The following ZNF823 variants were observed in gnomAD, a reference collection of about 807,000 sequenced individuals.
The protein encoded by ZNF823 is ZFP 36 for a zinc finger protein.
A neutral mutation model predicts 11.4 loss-of-function variants in ZNF823; 5 were observed. The observed-to-expected ratio is 0.44, with a 90% CI of 0.23 to 0.92. The LOEUF (loss-of-function observed/expected upper bound fraction) is 0.92, where lower values mean the gene tolerates loss of function less well. Among genes scored for constraint, ZNF823 ranks in the 40% least tolerant of loss-of-function variants. The probability of loss-of-function intolerance (pLI) is 0.24; values close to 1 mark genes in which losing one functional copy is unlikely to be tolerated. For missense variants in ZNF823, 582 were observed against 738.5 expected, an observed-to-expected ratio of 0.79 and a Z score of 2.46; for synonymous variants, 234 against 250.5, an observed-to-expected ratio of 0.93 and a Z score of 0.62.
At chr19:11,727,745 G>A (rs1905858205) in intron 1 of ZNF823, among the ~76,000 whole-genome samples, 1 of 152,118 alleles carries the variant, frequency 6.6e-6, no homozygotes, top group African/African-American at 2.4e-5. Context: ...TCACATCAGA[G>A]CCCGTCTTGA....
Position 11,738,945 on chromosome 19 carries a change from G to C in ZNF823, c.-126C>G, listed in dbSNP as rs965552672. On this transcript the variant is annotated 5_prime_UTR_variant, in exon 1 of 4. Transcript: ENST00000341191. ...GCCAGAGCCAGGACTCAGAGCGCAG[G>C]GGCGTGGAGAAGACTCCGCGGGCTC... is the stretch of plus-strand genomic sequence containing the variant. The C allele has an allele frequency of 1.4e-5, 18 of 1,271,140 alleles. No homozygotes were observed. Among genetic ancestry groups the C allele is most frequent in the Admixed American group, 8.8e-5 (3 of 34,226 alleles). The allele number at this position is 1,271,140 out of a possible 1,614,324, so 78.7% of individuals were successfully genotyped here. A position where few individuals can be genotyped will look rare whatever the true frequency, so the allele number is the denominator to read the frequency against.
rs1974731374 is a variant in ZNF823, at chr19:11,723,360, T to C, written c.192-18A>G. The C allele has an allele frequency of 6.5e-7, 1 of 1,548,868 alleles. No homozygotes were observed. The highest frequency in any genetic ancestry group is 1.4e-5 in the African/African-American group (1 of 72,444). On this transcript the variant is annotated intron_variant, in intron 3 of 3. Transcript: ENST00000341191. The stretch of plus-strand genomic sequence containing the variant: ...TATGACTTCTGTAACAAATAAGAAA[T>C]ATATTACTAAAGGTTTGTTTATAAG...
At position 11,738,875 on chromosome 19, in the gene ZNF823, G is replaced by T. The variant is rs1975045634; in HGVS notation, c.-56C>A. ...CTTAAAAGCCAGTGTGGGTCCCAGC[G>T]CGACAGACGCTGATACAGACCTTCC... On this transcript the variant is annotated 5_prime_UTR_variant, in exon 1 of 4. Transcript: ENST00000341191. The T allele has an allele frequency of 7.6e-6, 12 of 1,589,306 alleles. No homozygotes were observed. The South Asian group carries it at 1.3e-4, about 17-fold the overall frequency.
chr19:11,729,255 A>G (rs569192115), intron 1 of ZNF823, among the ~76,000 whole-genome samples: 7 of 152,288 alleles, frequency 4.6e-5, no homozygotes, highest in African/African-American at 1.2e-4. Context: ...ATGCAAATAC[A>G]TTAAATATAA....
chr19:11,737,143 C>T (rs1975005144), intron 1 of ZNF823, among the ~76,000 whole-genome samples: 1 of 152,172 alleles, frequency 6.6e-6, no homozygotes. Context: ...GACCAGGACA[C>T]CATAGAGGGT....
chr19:11,733,298 C>T (rs776553664), intron 1 of ZNF823, among the ~76,000 whole-genome samples: 3 of 143,286 alleles, frequency 2.1e-5, no homozygotes, highest in African/African-American at 5.1e-5. Flanking sequence ...ACTCAGGAGT[C>T]GGAGGTTGCA....
chr19:11,723,120 A>G lies in ZNF823; in HGVS notation c.414T>C (p.His138=), dbSNP rs181958401. 6.2e-7 allele frequency: 1 copy of G among 1,614,098 alleles called. No homozygotes were observed. Residue 138 remains histidine (H), a synonymous_variant, in exon 4 of 4, where the codon CAT becomes CAC. Coordinates refer to ENST00000341191, the MANE Select transcript of ZNF823 (RefSeq NM_001080493.4). ...GACTGATGGCTTTCCCACGTTGTTT[A>G]TGTGTATATGGCTTCTCTCCATATT... ...HQEYGEKPYT[H]KQRGKAISHQ...
At chr19:11,726,877 C>T (rs9917003) in intron 1 of ZNF823, among the ~76,000 whole-genome samples, 12,880 of 152,192 alleles carry the variant, frequency 0.085, 1,186 homozygotes, top group African/African-American at 0.23. Flanking sequence ...TGTTTGGTTG[C>T]AACTTGTTAC....
intron 1 of ZNF823, among the ~76,000 whole-genome samples, chr19:11,729,965 G>T (rs1974863466): frequency 6.9e-6 from 1 of 144,604 alleles, no homozygotes; most frequent in Admixed American, 7.1e-5. Context: ...TTTCGCACTT[G>T]TTGCCCAGGC....
chr19:11,733,365 C>CAAAA (rs34650100), intron 1 of ZNF823, among the ~76,000 whole-genome samples: 2 of 95,410 alleles, frequency 2.1e-5, no homozygotes, highest in African/African-American at 3.7e-5. Flanking sequence ...GACTCCATCT[C>CAAAA]AAAAAAAAAA....
At chr19:11,728,331 G>A (rs62113590) in intron 1 of ZNF823, among the ~76,000 whole-genome samples, 45,028 of 152,084 alleles carry the variant, frequency 0.3, 7,501 homozygotes, top group South Asian at 0.39. Flanking sequence ...TAAGTCTTGG[G>A]AAGAAAAGCT....
chr19:11,722,547 G>A lies in ZNF823; in HGVS notation c.987C>T (p.Asp329=), dbSNP rs144091748. The change falls in exon 4 of 4, where the codon GAC becomes GAT. Residue 329 remains aspartate, a synonymous_variant. Coordinates refer to ENST00000341191, the MANE Select transcript of ZNF823 (RefSeq NM_001080493.4). The surrounding 1 kb of genome is among the most constrained non-coding windows in gnomAD (Gnocchi z 5.2). ...FRRHMIRHTG[D]GPHKCKICGK... is the part of the protein sequence containing the mutation. Reference sequence around the variant, plus strand: ...CACATATCTTACATTTATGTGGTCCGTCTCCAGTGTGCCTTATCATGTGTC... The same window carrying A: ...CACATATCTTACATTTATGTGGTCCATCTCCAGTGTGCCTTATCATGTGTC... 11,978 of 1,613,926 alleles carry A rather than the reference G, an allele frequency of 7.4e-3. 242 individuals carry two copies. Among genetic ancestry groups the A allele is most frequent in the Admixed American group, 0.066 (3,935 of 59,980 alleles).
intron 1 of ZNF823, among the ~76,000 whole-genome samples, chr19:11,732,338 T>G (rs1380192914): frequency 1.3e-5 from 2 of 151,988 alleles, no homozygotes; most frequent in African/African-American, 4.8e-5. Context: ...CTAATTTTTT[T>G]GTATTTTTAG....
chr19:11,727,039 T>C (rs1297903512), intron 1 of ZNF823, among the ~76,000 whole-genome samples: 16 of 152,312 alleles, frequency 1.1e-4, no homozygotes, highest in Admixed American at 8.5e-4. Flanking sequence ...ACATTTTTCA[T>C]TGGATAATGA....
chr19:11,724,152 A>C, intron 3 of ZNF823, 42 bp downstream of exon 3: 3 of 1,497,510 alleles, frequency 2.0e-6, no homozygotes, highest in Non-Finnish European at 2.7e-6. Flanking sequence ...CATTCTATGA[A>C]CCACTGCAGG....
Position 11,721,960 on chromosome 19 carries a change from T to A in ZNF823, c.1574A>T (p.Lys525Met), listed in dbSNP as rs2145200963. 6.2e-7 allele frequency: 1 copy of A among 1,614,184 alleles called. No individual in the cohort carries two copies. The highest frequency in any genetic ancestry group is 2.2e-5 in the East Asian group (1 of 44,872). ...TCCACATTCCTTACATTCATATGGCTTCTCTCCAGAGTGAATCCTTTCATG... is the reference window on the plus strand; with the variant it reads ...TCCACATTCCTTACATTCATATGGCATCTCTCCAGAGTGAATCCTTTCATG... ...KVHERIHSGEKPYECKECGKA... is the reference protein window; with the variant it reads ...KVHERIHSGEMPYECKECGKA... Residue 525 changes from lysine to methionine, a missense_variant, in exon 4 of 4, where the codon AAG (lysine) becomes ATG (methionine). Lys to Met is a moderately conservative substitution (Grantham distance 95, BLOSUM62 -1). This residue lies in a region of ZNF823 where 144 missense variants were observed against 154.3 expected (regional missense o/e 0.93). Transcript: ENST00000341191.
At chr19:11,731,810 G>C (rs11672371) in intron 1 of ZNF823, among the ~76,000 whole-genome samples, 5,388 of 152,146 alleles carry the variant, frequency 0.035, 135 homozygotes, top group Non-Finnish European at 0.053. Flanking sequence ...AGGAGTTCGA[G>C]ACCTGCCTGG....
At chr19:11,724,588 C>T (rs1423263085) in intron 2 of ZNF823, among the ~76,000 whole-genome samples, 3 of 147,164 alleles carry the variant, frequency 2.0e-5, no homozygotes, top group Non-Finnish European at 4.5e-5. Flanking sequence ...AGACAGAGTC[C>T]CGCTCTGTCG....
In ZNF823 at chr19:11,721,987, A is replaced by G. The variant is rs970759752; in HGVS notation, c.1547T>C (p.Val516Ala). The stretch of plus-strand genomic sequence containing the variant: ...CTCTCCAGAGTGAATCCTTTCATGG[A>G]CTTTTAAGTTACTGAAATGACTGAA... The part of the protein sequence containing the change: ...KAFSHFSNLK[V>A]HERIHSGEKP... The change falls in exon 4 of 4, where the codon GTC becomes GCC. Residue 516 changes from valine to alanine, a missense_variant. By Grantham distance (64) the Val-to-Ala change is moderately conservative (BLOSUM62 0). This residue lies in a region of ZNF823 where 144 missense variants were observed against 154.3 expected (regional missense o/e 0.93). Transcript: ENST00000341191. 2 of 1,613,824 alleles carry G rather than the reference A, an allele frequency of 1.2e-6. No homozygotes were observed. Among genetic ancestry groups the G allele is most frequent in the Non-Finnish European group, 1.7e-6 (2 of 1,179,998 alleles).
Sources: allele counts gnomAD v4.1 joint callset (sites outside exome capture counted in the v4.1 genomes callset), GRCh38; gene constraint gnomAD v4.1.1; regional missense constraint gnomAD v4.1.1; non-coding constraint Gnocchi (gnomAD v3.1); transcripts MANE v1.5; gene names NCBI Gene and HGNC (gene_info 2026-07-23, HGNC 2026-07-21).